Variants in MND1 observed in about 807,000 individuals in gnomAD.
MND1 encodes meiotic nuclear division protein 1 homolog.
In MND1, 28 loss-of-function variants were observed where a neutral mutation model predicts 35.1. The observed-to-expected ratio is 0.80, with a 90% CI of 0.59 to 1.09. MND1 has a LOEUF of 1.09. Among genes scored for constraint, MND1 ranks in the 50% least tolerant of loss-of-function variants. The pLI is 0.00. For synonymous variants in MND1, 69 were observed against 70.5 expected, an observed-to-expected ratio of 0.98 and a Z score of 0.11; for missense variants, 213 against 239.6, an observed-to-expected ratio of 0.89 and a Z score of 0.73.
Position 153,360,584 on chromosome 4 carries a change from A to ATGTGTG in MND1, c.276+1980_276+1985dup, listed in dbSNP as rs141946781. Among the ~76,000 whole-genome samples, 3 of 145,236 alleles carry ATGTGTG rather than the reference A, an allele frequency of 2.1e-5. No individual in the cohort carries two copies. In the East Asian group the frequency reaches 6.0e-4, roughly 29 times the overall value. On this transcript the variant is annotated intron_variant, in intron 4 of 7. Transcript: ENST00000240488. ...TTAGTATAATTTACTTCTTTTCTGT[A>ATGTGTG]TGTGTGTGTGTGTGTGTGTGTGTAT...
chr4:153,390,919 A>ATGTGTGTGTGTGTG (rs149830333), intron 4 of MND1, among the ~76,000 whole-genome samples: 18 of 124,760 alleles, frequency 1.4e-4, no homozygotes, highest in Middle Eastern at 8.2e-3. Context: ...GTGTGTGTAT[A>ATGTGTGTGTGTGTG]TGTGTGTGTG....
intron 4 of MND1, among the ~76,000 whole-genome samples, chr4:153,369,003 T>C (rs1159962076): frequency 6.6e-6 from 1 of 152,260 alleles, no homozygotes; most frequent in African/African-American, 2.4e-5. Context: ...CAAGGCCTTA[T>C]GTGAGGTATA....
At chr4:153,400,968 A>G (rs1729332877) in intron 6 of MND1, among the ~76,000 whole-genome samples, 1 of 152,228 alleles carries the variant, frequency 6.6e-6, no homozygotes, top group South Asian at 2.1e-4. Flanking sequence ...TTGAACATGA[A>G]AACTACAATG....
intron 4 of MND1, among the ~76,000 whole-genome samples, chr4:153,386,807 TAAGTA>T (rs1728880599): frequency 6.6e-6 from 1 of 152,174 alleles, no homozygotes; most frequent in African/African-American, 2.4e-5. Flanking sequence ...CATAAGACAC[TAAGTA>T]AAGTATAATC....
At chr4:153,345,521 G>A in intron 1 of MND1, 4 of 985,448 alleles carry the variant, frequency 4.1e-6, no homozygotes, top group Non-Finnish European at 4.8e-6. Context: ...GATCGGCTTT[G>A]TGAGCTTAAC....
chr4:153,408,928 AT>A, intron 6 of MND1, 42 bp from the exon 7 acceptor site: 5 of 605,938 alleles, frequency 8.3e-6, no homozygotes, highest in Non-Finnish European at 7.1e-6. Context: ...ATATATATAT[AT>A]ATATAAATAC....
intron 6 of MND1, among the ~76,000 whole-genome samples, chr4:153,398,507 G>GA (rs1275170288): frequency 6.6e-6 from 1 of 152,198 alleles, no homozygotes; most frequent in Non-Finnish European, 1.5e-5. Flanking sequence ...TCATTTAAGA[G>GA]ACAGGTCGCT....
chr4:153,389,900 T>C (rs1359948274), intron 4 of MND1, among the ~76,000 whole-genome samples: 1 of 152,152 alleles, frequency 6.6e-6, no homozygotes, highest in East Asian at 1.9e-4. Flanking sequence ...CTCAGAAATG[T>C]GGTGTCCCCA....
intron 4 of MND1, among the ~76,000 whole-genome samples, chr4:153,380,075 G>A (rs1195549156): frequency 8.9e-4 from 3 of 3,384 alleles, no homozygotes; most frequent in Non-Finnish European, 1.3e-3. Context: ...AAAATTAAAT[G>A]GTCTGTGGTA....
intron 5 of MND1, among the ~76,000 whole-genome samples, chr4:153,396,433 G>A (rs997760606): frequency 6.6e-6 from 1 of 152,128 alleles, no homozygotes; most frequent in African/African-American, 2.4e-5. Flanking sequence ...AAAAATACAA[G>A]GTAGCTGGCA....
intron 4 of MND1, among the ~76,000 whole-genome samples, chr4:153,373,862 A>G (rs1728399869): frequency 6.6e-6 from 1 of 152,184 alleles, no homozygotes; most frequent in African/African-American, 2.4e-5. Context: ...TCGCAGACCT[A>G]AACCTACTTT....
At chr4:153,403,193 C>T (rs1729390099) in intron 6 of MND1, among the ~76,000 whole-genome samples, 1 of 152,064 alleles carries the variant, frequency 6.6e-6, no homozygotes, top group Admixed American at 6.6e-5. Context: ...CAACATATTC[C>T]TGGAAATATA....
intron 1 of MND1, among the ~76,000 whole-genome samples, chr4:153,347,115 C>T (rs556517989): frequency 3.9e-5 from 6 of 152,268 alleles, no homozygotes; most frequent in African/African-American, 7.2e-5. Flanking sequence ...TTTTTAAAAA[C>T]TCCTGAGGTG....
intron 3 of MND1, 84 bp downstream of exon 3, chr4:153,355,795 T>C (rs1773325257): frequency 4.6e-6 from 4 of 871,364 alleles, no homozygotes; most frequent in Non-Finnish European, 7.5e-6. Context: ...TAAGTCATCT[T>C]TTCTGCAACA....
intron 2 of MND1, among the ~76,000 whole-genome samples, chr4:153,352,468 T>C (rs1424425917): frequency 6.6e-6 from 1 of 152,218 alleles, no homozygotes; most frequent in Non-Finnish European, 1.5e-5. Flanking sequence ...TCTCTATGTC[T>C]GTTTCTTCAT....
rs1330677747 is a variant in MND1 at position 153,344,743 on chromosome 4, A to G, written c.3+3A>G. 4 of 1,600,010 alleles carry G rather than the reference A, an allele frequency of 2.5e-6. No individual in the cohort carries two copies. The highest frequency in any genetic ancestry group is 2.6e-6 in the Non-Finnish European group (3 of 1,174,502). On this transcript the variant is annotated splice_donor_region_variant and intron_variant, in intron 1 of 7. Coordinates refer to ENST00000240488, the MANE Select transcript of MND1 (RefSeq NM_032117.4). ...GAAGCCCCTGCGCCCGCGCCATGGTAAGGACTGAGGCTACGGTCCCGCGTC... is the reference window on the plus strand; with the variant it reads ...GAAGCCCCTGCGCCCGCGCCATGGTGAGGACTGAGGCTACGGTCCCGCGTC...
At chr4:153,403,379 C>T (rs1277361721) in intron 6 of MND1, among the ~76,000 whole-genome samples, 4 of 152,140 alleles carry the variant, frequency 2.6e-5, no homozygotes, top group Admixed American at 1.3e-4. Context: ...TTAGCAAAGA[C>T]GGCTGAGCCC....
chr4:153,349,708 G>A (rs775553770), intron 1 of MND1, among the ~76,000 whole-genome samples: 15 of 147,212 alleles, frequency 1.0e-4, no homozygotes, highest in Non-Finnish European at 2.1e-4. Context: ...GGGTATTTAT[G>A]TAACAATTGG....
intron 4 of MND1, among the ~76,000 whole-genome samples, chr4:153,376,873 T>G (rs1383947955): frequency 6.6e-6 from 1 of 152,058 alleles, no homozygotes; most frequent in East Asian, 1.9e-4. Flanking sequence ...CCTAGCACCG[T>G]TTTTGGCATG....
Sources: allele counts gnomAD v4.1 joint callset (sites outside exome capture counted in the v4.1 genomes callset), GRCh38; gene constraint gnomAD v4.1.1; transcripts MANE v1.5; gene names NCBI Gene and HGNC (gene_info 2026-07-23, HGNC 2026-07-21).